The following TTC7A variants were observed in gnomAD, a reference collection of about 807,000 sequenced individuals.
TTC7A encodes tetratricopeptide repeat protein 7A.
TTC7A carries 110 observed loss-of-function variants against 103.7 expected under a neutral mutation model. That is an observed-to-expected ratio of 1.06 (90% confidence interval 0.91 to 1.24). The LOEUF is 1.24. Among genes scored for constraint, TTC7A ranks in the 50% most tolerant of loss-of-function variants. The pLI is 0.00. For missense variants in TTC7A, 1,340 were observed against 1,116.3 expected, an observed-to-expected ratio of 1.20 and a Z score of -2.86; for synonymous variants, 521 against 467.9, an observed-to-expected ratio of 1.11 and a Z score of -1.47.
chr2:47,035,038 GGAGCTCAAGGGCACT>G (rs1558608018), intron 15 of TTC7A, among the ~76,000 whole-genome samples: 2 of 152,226 alleles, frequency 1.3e-5, no homozygotes, highest in African/African-American at 4.8e-5. Flanking sequence ...GGCTAACGTT[GGAGCTCAAGGGCACT>G]CCTGGGATCT....
chr2:47,054,775 C>T (rs1683172706), intron 18 of TTC7A, among the ~76,000 whole-genome samples: 1 of 149,886 alleles, frequency 6.7e-6, no homozygotes, highest in East Asian at 1.9e-4. Context: ...GTCGAGGCTG[C>T]AGTGAACTGA....
chr2:47,036,217 G>T (rs754681868), intron 15 of TTC7A, among the ~76,000 whole-genome samples: 11 of 152,214 alleles, frequency 7.2e-5, no homozygotes, highest in Non-Finnish European at 1.3e-4. Context: ...CAGGGTAGGG[G>T]CAGGCTGCTC....
intron 2 of TTC7A, among the ~76,000 whole-genome samples, chr2:46,931,602 A>C (rs559315572): frequency 9.8e-5 from 15 of 152,286 alleles, no homozygotes; most frequent in South Asian, 2.1e-4. Context: ...TCACCAGCCA[A>C]GGAATGCAGT....
At chr2:47,041,389 A>G (rs1041063786) in intron 15 of TTC7A, among the ~76,000 whole-genome samples, 1 of 152,218 alleles carries the variant, frequency 6.6e-6, no homozygotes, top group African/African-American at 2.4e-5. Flanking sequence ...GCACAGGACA[A>G]GATAAACGGT....
intron 15 of TTC7A, among the ~76,000 whole-genome samples, chr2:47,033,371 CTT>C (rs1325304040): frequency 6.6e-6 from 1 of 152,262 alleles, no homozygotes; most frequent in Non-Finnish European, 1.5e-5. Context: ...AGAGGCGTCT[CTT>C]TTCAGCCATC....
chr2:47,024,253 G>C (rs374826354), intron 13 of TTC7A, 34 bp from the exon 14 acceptor site: 1 of 1,567,228 alleles, frequency 6.4e-7, no homozygotes, highest in Admixed American at 1.8e-5. Flanking sequence ...CTCAACCCCT[G>C]GTGCCTGACT....
At chr2:47,021,792 C>T in intron 11 of TTC7A, 70 bp from the exon 12 acceptor site, 1 of 1,234,528 alleles carries the variant, frequency 8.1e-7, no homozygotes, top group South Asian at 1.2e-5. Context: ...GGGAACAGGT[C>T]CAGGGAGTCA....
chr2:47,016,640 A>G (rs947608724), intron 11 of TTC7A, among the ~76,000 whole-genome samples: 1 of 152,214 alleles, frequency 6.6e-6, no homozygotes, highest in African/African-American at 2.4e-5. Flanking sequence ...CCCTAGAAGT[A>G]TTTTGATGAG....
intron 1 of TTC7A, among the ~76,000 whole-genome samples, chr2:46,944,453 T>C (rs1670755079): frequency 6.7e-6 from 1 of 149,510 alleles, no homozygotes; most frequent in East Asian, 2.0e-4. Flanking sequence ...AATTATAGCT[T>C]ACTACACACT....
At chr2:46,960,098 C>T (rs1672240027) in intron 3 of TTC7A, among the ~76,000 whole-genome samples, 1 of 152,170 alleles carries the variant, frequency 6.6e-6, no homozygotes, top group African/African-American at 2.4e-5. Context: ...TCAGACTGAC[C>T]AGGTCCAGCC....
chr2:47,000,251 C>T (rs771768777), intron 8 of TTC7A, among the ~76,000 whole-genome samples: 69 of 136,364 alleles, frequency 5.1e-4, no homozygotes, highest in Non-Finnish European at 9.0e-4. Flanking sequence ...GGGTGCCATT[C>T]AGTTAAAAAA....
intron 2 of TTC7A, among the ~76,000 whole-genome samples, chr2:46,953,488 G>A (rs191320669): frequency 4.8e-4 from 73 of 152,244 alleles, no homozygotes; most frequent in Non-Finnish European, 9.7e-4. Flanking sequence ...CACCCGCAAA[G>A]ATCAGGTCAC....
intron 19 of TTC7A, among the ~76,000 whole-genome samples, chr2:47,062,361 C>A (rs764645580): frequency 1.3e-5 from 2 of 152,218 alleles, no homozygotes; most frequent in Non-Finnish European, 2.9e-5. Context: ...TGTGAATGTT[C>A]AGCCTCAAAT....
intron 15 of TTC7A, among the ~76,000 whole-genome samples, chr2:47,042,103 A>G (rs1044420635): frequency 6.6e-6 from 1 of 152,038 alleles, no homozygotes; most frequent in Non-Finnish European, 1.5e-5. Context: ...ATGATGAATA[A>G]AGGTCCTTTT....
intron 16 of TTC7A, chr2:47,047,448 G>A: frequency 1.5e-6 from 1 of 675,906 alleles, no homozygotes. Context: ...GGAGGCTCTG[G>A]GGTTGAGGGA....
At chr2:46,933,162 TAGC>T (rs1669800830) in intron 2 of TTC7A, among the ~76,000 whole-genome samples, 1 of 152,166 alleles carries the variant, frequency 6.6e-6, no homozygotes, top group Non-Finnish European at 1.5e-5. Context: ...GGGCCCATTG[TAGC>T]AGTCTTGCAA....
rs374828712 is a variant in TTC7A, at chr2:46,956,831, C to T, written c.349-8C>T. On this transcript the variant is annotated splice_polypyrimidine_tract_variant and splice_region_variant and intron_variant, in intron 2 of 19. Transcript: ENST00000319190. ...GCAGGCGCTGGTAACATGTCCTTGT[C>T]ATTTCAGCCACAGTACATGTGTGAG... 9.9e-6 allele frequency: 16 copies of T among 1,613,836 alleles called. No individual in the cohort carries two copies. Among genetic ancestry groups the T allele is most frequent in the Non-Finnish European group, 1.4e-5 (16 of 1,179,874 alleles).
At chr2:47,068,990 C>T (rs1293179035) in intron 19 of TTC7A, among the ~76,000 whole-genome samples, 1 of 152,072 alleles carries the variant, frequency 6.6e-6, no homozygotes, top group African/African-American at 2.4e-5. Flanking sequence ...GGCTGTACCT[C>T]CTGCCCAGAG....
At chr2:46,942,602 G>A (rs903446749) in intron 1 of TTC7A, among the ~76,000 whole-genome samples, 1 of 152,138 alleles carries the variant, frequency 6.6e-6, no homozygotes, top group Admixed American at 6.5e-5. Context: ...ACTGTCCTGA[G>A]CACTTTAATC....
Sources: gnomAD v4.1 joint callset for allele counts (sites outside exome capture counted in the v4.1 genomes callset) on GRCh38, gnomAD v4.1.1 for gene constraint, MANE v1.5 for transcripts, NCBI Gene and HGNC (gene_info 2026-07-23, HGNC 2026-07-21) for gene names.